Variants in MACROD2 observed in about 807,000 individuals in gnomAD.
MACROD2 encodes the protein ADP-ribose glycohydrolase MACROD2.
Under a neutral mutation model 70.4 loss-of-function variants are expected in MACROD2, and 36 were observed. That is an observed-to-expected ratio of 0.51 (90% CI 0.39 to 0.68). The LOEUF is 0.68. Ranked by LOEUF, MACROD2 falls within the 30% of genes least tolerant of loss-of-function variation. The pLI is 0.00. For synonymous variants in MACROD2, 172 were observed against 178.8 expected (o/e 0.96, Z 0.30); for missense variants, 496 against 538.4 (o/e 0.92, Z 0.78).
At chr20:14,513,744 C>A (rs1371965664) in intron 4 of MACROD2, among the ~76,000 whole-genome samples, 1 of 152,012 alleles carries the variant, frequency 6.6e-6, no homozygotes, top group Non-Finnish European at 1.5e-5. Flanking sequence ...AACATTACAA[C>A]AAAGCATTTT....
chr20:15,413,898 A>G (rs2146328576), intron 6 of MACROD2, among the ~76,000 whole-genome samples: 2 of 152,300 alleles, frequency 1.3e-5, no homozygotes, highest in South Asian at 4.1e-4. Flanking sequence ...ACAGAAAAGC[A>G]CCTGACCAAT....
intron 3 of MACROD2, among the ~76,000 whole-genome samples, chr20:14,161,575 GTTTTTT>G (rs369321102): frequency 1.5e-5 from 2 of 136,210 alleles, no homozygotes; most frequent in African/African-American, 5.4e-5. Context: ...AGACCCTTTG[GTTTTTT>G]TTTTTTTTTT....
intron 6 of MACROD2, among the ~76,000 whole-genome samples, chr20:15,419,583 G>A (rs965213266): frequency 3.9e-5 from 6 of 152,214 alleles, no homozygotes; most frequent in African/African-American, 9.6e-5. Context: ...CAGCCCAGGA[G>A]GCCCCCCTCT....
At chr20:15,252,851 G>T (rs1344692209) in intron 6 of MACROD2, among the ~76,000 whole-genome samples, 2 of 152,138 alleles carry the variant, frequency 1.3e-5, no homozygotes, top group Non-Finnish European at 2.9e-5. Context: ...ACCAGAGAAG[G>T]ATGCCACCTA....
intron 4 of MACROD2, among the ~76,000 whole-genome samples, chr20:14,671,576 T>C (rs1327291191): frequency 6.6e-6 from 1 of 152,152 alleles, no homozygotes; most frequent in Non-Finnish European, 1.5e-5. Flanking sequence ...GTTTTTGGAT[T>C]TGAGATGAAG....
At chr20:15,801,236 C>T (rs193202178) in intron 8 of MACROD2, among the ~76,000 whole-genome samples, 3 of 145,104 alleles carry the variant, frequency 2.1e-5, no homozygotes, top group Non-Finnish European at 4.5e-5. Flanking sequence ...AAAAACTGGA[C>T]AGTGGATGGT....
At chr20:14,536,662 T>C (rs1193494458) in intron 4 of MACROD2, among the ~76,000 whole-genome samples, 5 of 143,494 alleles carry the variant, frequency 3.5e-5, no homozygotes, top group East Asian at 2.0e-4. Flanking sequence ...TGTGTGTGTG[T>C]GCATGCATGT....
chr20:15,625,614 T>A (rs1156609437), intron 8 of MACROD2, among the ~76,000 whole-genome samples: 1 of 152,208 alleles, frequency 6.6e-6, no homozygotes, highest in Non-Finnish European at 1.5e-5. Flanking sequence ...AGTGGCTTAG[T>A]AAAAGGTATT....
intron 5 of MACROD2, among the ~76,000 whole-genome samples, chr20:15,207,025 C>T (rs1386134701): frequency 2.6e-5 from 4 of 152,016 alleles, no homozygotes; most frequent in Admixed American, 6.6e-5. Context: ...CGTGAGCCAC[C>T]GCGCCCGGCC....
chr20:14,199,185 T>C lies in MACROD2; in HGVS notation c.271+113457T>C, dbSNP rs530915408. Among the ~76,000 whole-genome samples, 7 of 152,346 alleles carry C rather than the reference T, an allele frequency of 4.6e-5. No homozygotes were observed. In the East Asian group the frequency reaches 1.3e-3, roughly 29 times the overall value. On this transcript the variant is annotated intron_variant, in intron 3 of 17. Transcript: ENST00000684519. ...GCTTTTTGCCTACATAAAATGATGG[T>C]TCTCTTCAGGAACTCTTGATTCCAG...
chr20:14,184,206 A>T (rs937005615), intron 3 of MACROD2, among the ~76,000 whole-genome samples: 1 of 152,038 alleles, frequency 6.6e-6, no homozygotes, highest in African/African-American at 2.4e-5. Flanking sequence ...TTGAATTTGT[A>T]TGTGGTGTAA....
At chr20:15,443,432 A>G (rs2046522286) in intron 7 of MACROD2, among the ~76,000 whole-genome samples, 1 of 152,192 alleles carries the variant, frequency 6.6e-6, no homozygotes, top group Non-Finnish European at 1.5e-5. Context: ...TCAGCCGTGA[A>G]CAACAGGGAG....
chr20:15,317,304 A>G (rs2077821691), intron 6 of MACROD2, among the ~76,000 whole-genome samples: 2 of 152,126 alleles, frequency 1.3e-5, no homozygotes, highest in South Asian at 4.1e-4. Context: ...TGATATTTCT[A>G]TAGACCTACA....
At chr20:14,444,167 A>G (rs1360833817) in intron 3 of MACROD2, among the ~76,000 whole-genome samples, 1 of 152,116 alleles carries the variant, frequency 6.6e-6, no homozygotes, top group Non-Finnish European at 1.5e-5. Flanking sequence ...GCATAAGAAA[A>G]AGTTTAGGAT....
chr20:15,597,304 A>G (rs1160780880), intron 8 of MACROD2, among the ~76,000 whole-genome samples: 2 of 152,234 alleles, frequency 1.3e-5, no homozygotes, highest in African/African-American at 4.8e-5. Context: ...TCCACATGAA[A>G]AATGTAAAAG....
intron 6 of MACROD2, among the ~76,000 whole-genome samples, chr20:15,271,300 A>G (rs1329305129): frequency 6.6e-6 from 1 of 152,126 alleles, no homozygotes; most frequent in Non-Finnish European, 1.5e-5. Context: ...TCTGGGGCCT[A>G]TTTTAGAAGG....
intron 6 of MACROD2, among the ~76,000 whole-genome samples, chr20:15,418,901 T>C (rs929882779): frequency 6.6e-6 from 1 of 152,176 alleles, no homozygotes; most frequent in Non-Finnish European, 1.5e-5. Flanking sequence ...TTACCAAGAC[T>C]AGCTGGTTAT....
chr20:15,451,722 G>A (rs1406291349), intron 7 of MACROD2, among the ~76,000 whole-genome samples: 1 of 152,122 alleles, frequency 6.6e-6, no homozygotes, highest in African/African-American at 2.4e-5. Context: ...TCTGACAGCC[G>A]AATCTTTCAA....
At chr20:14,850,193 GAAGAT>G (rs1460545519) in intron 5 of MACROD2, 2 of 310,346 alleles carry the variant, frequency 6.4e-6, no homozygotes, top group East Asian at 8.4e-5. Context: ...CAAAAAGCAT[GAAGAT>G]AAGACTGGAA....
Sources: gnomAD v4.1 joint callset for allele counts (sites outside exome capture counted in the v4.1 genomes callset) on GRCh38, gnomAD v4.1.1 for gene constraint, MANE v1.5 for transcripts, NCBI Gene and HGNC (gene_info 2026-07-23, HGNC 2026-07-21) for gene names.